UTRN: variants seen among roughly 807,000 people sequenced by gnomAD.
UTRN encodes the protein dystrophin-related protein 1.
UTRN carries 283 observed loss-of-function variants against 463.9 expected under a neutral mutation model. The ratio of observed to expected loss-of-function variants is 0.61; its 90% CI spans 0.55 to 0.67. UTRN has a LOEUF of 0.67. UTRN is among the 30% of genes least tolerant of loss of function. The pLI is 0.00. For synonymous variants in UTRN, 1,442 were observed against 1,431.5 expected (o/e 1.01, Z -0.17); for missense variants, 3,922 against 4,084.3 (o/e 0.96, Z 1.08).
intron 9 of UTRN, among the ~76,000 whole-genome samples, chr6:144,430,524 A>C (rs1186766818): frequency 2.0e-5 from 3 of 152,186 alleles, no homozygotes; most frequent in East Asian, 1.9e-4. Flanking sequence ...AGAGAGAAAG[A>C]AAGCTTCTCT....
chr6:144,509,358 A>T (rs1794981949), intron 34 of UTRN, among the ~76,000 whole-genome samples: 1 of 151,968 alleles, frequency 6.6e-6, no homozygotes, highest in African/African-American at 2.4e-5. Flanking sequence ...TTGATTTTAT[A>T]TATTCAATTT....
chr6:144,400,765 A>G (rs1473539603), intron 2 of UTRN, among the ~76,000 whole-genome samples: 1 of 152,212 alleles, frequency 6.6e-6, no homozygotes, highest in African/African-American at 2.4e-5. Context: ...GGATGTTAGA[A>G]AATGTATCGT....
At chr6:144,790,724 TTA>T (rs1290007251) in intron 62 of UTRN, among the ~76,000 whole-genome samples, 1 of 152,182 alleles carries the variant, frequency 6.6e-6, no homozygotes, top group Non-Finnish European at 1.5e-5. Context: ...GCTGAAAACG[TTA>T]TCTTTTTATA....
chr6:144,337,817 G>GT (rs1284018090), intron 2 of UTRN, among the ~76,000 whole-genome samples: 1 of 152,152 alleles, frequency 6.6e-6, no homozygotes, highest in African/African-American at 2.4e-5. Context: ...GTCTTACCAT[G>GT]TTGGCCAGGC....
At chr6:144,836,270 G>C (rs372096119) in intron 70 of UTRN, 31 bp from the exon 71 acceptor site, 548 of 1,613,312 alleles carry the variant, frequency 3.4e-4, no homozygotes, top group Non-Finnish European at 4.3e-4. Flanking sequence ...GCACGTGGTA[G>C]TCATTCTGTT....
chr6:144,588,943 T>C (rs9390173), intron 51 of UTRN, among the ~76,000 whole-genome samples: 59,338 of 152,070 alleles, frequency 0.39, 12,646 homozygotes, highest in East Asian at 0.79. Flanking sequence ...ATAATTGAAA[T>C]TGGAAAGGAT....
chr6:144,474,397 G>A (rs1020927772), intron 24 of UTRN, among the ~76,000 whole-genome samples: 2 of 152,140 alleles, frequency 1.3e-5, no homozygotes, highest in Non-Finnish European at 2.9e-5. Context: ...TGAGAGTCAA[G>A]TATTTCCAGT....
At chr6:144,440,582 A>G in intron 13 of UTRN, 111 bp downstream of exon 13, 1 of 1,420,492 alleles carries the variant, frequency 7.0e-7, no homozygotes, top group Non-Finnish European at 9.7e-7. Context: ...GAAGGGTAGA[A>G]AAACCTACCT....
rs574121114 is a variant in UTRN, at chr6:144,772,851, A to C, written c.8557+883A>C. ...CTCTGGTTGGTCCAGCGGTTTTTTT[A>C]AGTTTTCTCTTTGGGTAGCTAAGGA... On this transcript the variant is annotated intron_variant, in intron 59 of 74. Coordinates refer to ENST00000367545, the MANE Select transcript of UTRN (RefSeq NM_007124.3). Among the ~76,000 whole-genome samples, 15 of 152,148 alleles carry C rather than the reference A, an allele frequency of 9.9e-5. No homozygotes were observed. The South Asian group carries it at 2.5e-3, about 25-fold the overall frequency.
chr6:144,387,527 C>T (rs1343568189), intron 2 of UTRN, among the ~76,000 whole-genome samples: 3 of 152,172 alleles, frequency 2.0e-5, no homozygotes, highest in Non-Finnish European at 2.9e-5. Context: ...GCTCCCTCTT[C>T]CACGGTGTTT....
chr6:144,835,218 A>G (rs1469738868), intron 69 of UTRN, among the ~76,000 whole-genome samples: 1 of 152,268 alleles, frequency 6.6e-6, no homozygotes, highest in Non-Finnish European at 1.5e-5. Flanking sequence ...TCTAATGCAG[A>G]GTGATCAACC....
At chr6:144,759,201 G>A (rs146342251) in intron 58 of UTRN, among the ~76,000 whole-genome samples, 217 of 151,344 alleles carry the variant, frequency 1.4e-3, no homozygotes, top group Non-Finnish European at 2.4e-3. Flanking sequence ...TGTGAACTGA[G>A]TTGAGAACAA....
intron 45 of UTRN, among the ~76,000 whole-genome samples, chr6:144,541,488 T>G (rs1219463450): frequency 6.6e-6 from 1 of 152,224 alleles, no homozygotes. Context: ...ATAATTCACT[T>G]TGGTGAATTA....
chr6:144,604,533 G>A (rs1804615348), intron 51 of UTRN, among the ~76,000 whole-genome samples: 1 of 152,114 alleles, frequency 6.6e-6, no homozygotes, highest in East Asian at 1.9e-4. Context: ...CTATCATGAA[G>A]AAGTTGTCTT....
intron 50 of UTRN, among the ~76,000 whole-genome samples, chr6:144,560,893 C>T (rs1799802789): frequency 6.6e-6 from 1 of 151,884 alleles, no homozygotes; most frequent in African/African-American, 2.4e-5. Context: ...TAGTTACTTT[C>T]ATAATATTAG....
intron 66 of UTRN, 25 bp from the exon 67 acceptor site, chr6:144,827,323 T>C (rs917252701): frequency 6.2e-7 from 1 of 1,613,006 alleles, no homozygotes; most frequent in Non-Finnish European, 8.5e-7. Context: ...TCTGTGACTT[T>C]TGTCTCCCTC....
chr6:144,526,495 GCTACTC>G (rs1257690914), intron 41 of UTRN, among the ~76,000 whole-genome samples: 2 of 151,994 alleles, frequency 1.3e-5, no homozygotes, highest in Non-Finnish European at 2.9e-5. Context: ...TATAAGAATA[GCTACTC>G]CTGCTTGCTT....
chr6:144,818,852 C>T (rs1009259558), intron 65 of UTRN, among the ~76,000 whole-genome samples: 1 of 150,210 alleles, frequency 6.7e-6, no homozygotes, highest in African/African-American at 2.4e-5. Flanking sequence ...GATATTGCTT[C>T]TCTAAAAGTT....
chr6:144,554,592 T>C, intron 48 of UTRN, 96 bp from the exon 49 acceptor site: 1 of 1,326,872 alleles, frequency 7.5e-7, no homozygotes, highest in Non-Finnish European at 1.0e-6. Context: ...CTTCTGTTTA[T>C]AGACTTATTT....
Sources: allele counts gnomAD v4.1 joint callset (sites outside exome capture counted in the v4.1 genomes callset), GRCh38; gene constraint gnomAD v4.1.1; transcripts MANE v1.5; gene names NCBI Gene and HGNC (gene_info 2026-07-23, HGNC 2026-07-21).